The following ICA1 variants were observed in gnomAD, a reference collection of about 807,000 sequenced individuals.
The protein encoded by ICA1 is islet cell autoantigen 1.
Under a neutral mutation model 71.0 loss-of-function variants are expected in ICA1, and 40 were observed. The observed-to-expected ratio is 0.56, with a 90% CI of 0.44 to 0.73. ICA1 has a LOEUF of 0.73. Among genes scored for constraint, ICA1 ranks in the 30% least tolerant of loss-of-function variants. The pLI is 0.00. For missense variants in ICA1, 578 were observed against 576.5 expected (o/e 1.00, Z -0.03); for synonymous variants, 207 against 209.5 (o/e 0.99, Z 0.10).
intron 6 of ICA1, among the ~76,000 whole-genome samples, chr7:8,189,730 G>C (rs371511033): frequency 6.6e-6 from 1 of 152,028 alleles, no homozygotes; most frequent in African/African-American, 2.4e-5. Context: ...CTCTGCAAGG[G>C]GGGTAGGCAG....
At chr7:8,155,336 T>G (rs1432013644) in intron 8 of ICA1, among the ~76,000 whole-genome samples, 1 of 152,196 alleles carries the variant, frequency 6.6e-6, no homozygotes, top group East Asian at 1.9e-4. Context: ...CTGTCAAACT[T>G]TCACTAAATT....
intron 6 of ICA1, among the ~76,000 whole-genome samples, chr7:8,188,720 C>A (rs1784626433): frequency 6.6e-6 from 1 of 152,138 alleles, no homozygotes; most frequent in Non-Finnish European, 1.5e-5. Context: ...GCCAATCCTG[C>A]CTCTCTTCAG....
intron 6 of ICA1, among the ~76,000 whole-genome samples, chr7:8,212,988 A>G (rs1007125072): frequency 6.6e-6 from 1 of 152,226 alleles, no homozygotes; most frequent in African/African-American, 2.4e-5. Context: ...GCCATGTGAA[A>G]ACAGCAGGCT....
intron 5 of ICA1, among the ~76,000 whole-genome samples, chr7:8,219,992 A>G (rs775630975): frequency 7.9e-5 from 12 of 152,226 alleles, no homozygotes; most frequent in Admixed American, 3.9e-4. Context: ...ATATGCACAG[A>G]AAGTATCTAT....
intron 6 of ICA1, among the ~76,000 whole-genome samples, chr7:8,210,002 T>C (rs1251499645): frequency 1.3e-5 from 2 of 152,132 alleles, no homozygotes; most frequent in African/African-American, 2.4e-5. Flanking sequence ...AGCCAGCCTG[T>C]GGAGGGCCTA....
chr7:8,208,930 G>C (rs1792617496), intron 6 of ICA1, among the ~76,000 whole-genome samples: 2 of 152,258 alleles, frequency 1.3e-5, no homozygotes, highest in African/African-American at 4.8e-5. Context: ...TTAAGAGATG[G>C]GCTCAATTTA....
At chr7:8,250,414 A>C (rs754971313) in intron 1 of ICA1, among the ~76,000 whole-genome samples, 1 of 152,208 alleles carries the variant, frequency 6.6e-6, no homozygotes, top group Admixed American at 6.5e-5. Flanking sequence ...GGAGGATGGG[A>C]AGTTCAATTA....
At chr7:8,216,802 G>A (rs952287088) in intron 6 of ICA1, among the ~76,000 whole-genome samples, 2 of 152,154 alleles carry the variant, frequency 1.3e-5, no homozygotes, top group Non-Finnish European at 2.9e-5. Flanking sequence ...TTACCTCTCT[G>A]ATCTTGGGCT....
Position 8,144,573 on chromosome 7 carries a change from TG to T in ICA1, c.805-602del, listed in dbSNP as rs1282070877. 6.6e-6 allele frequency among the ~76,000 whole-genome samples: 1 copy of T among 152,144 alleles called. No individual in the cohort carries two copies. The highest frequency in any genetic ancestry group is 2.4e-5 in the African/African-American group (1 of 41,438). On this transcript the variant is annotated intron_variant, in intron 8 of 13. Transcript: ENST00000402384. The surrounding 1 kb of genome is among the most constrained non-coding windows in gnomAD (Gnocchi z 4.5). Reference sequence around the variant, plus strand: ...CCAAATCTTTGTAGATTAAAATGGGTGAGAGTCTTCTTTTGGCACATCATTT... The same window carrying T: ...CCAAATCTTTGTAGATTAAAATGGGTAGAGTCTTCTTTTGGCACATCATTT...
At chr7:8,165,370 T>C (rs1017048669) in intron 6 of ICA1, among the ~76,000 whole-genome samples, 6 of 152,212 alleles carry the variant, frequency 3.9e-5, no homozygotes, top group Admixed American at 3.9e-4. Context: ...CAGCCAACAG[T>C]AGACTTCAGG....
chr7:8,240,840 T>G (rs1014885780), intron 1 of ICA1, among the ~76,000 whole-genome samples: 1 of 151,830 alleles, frequency 6.6e-6, no homozygotes, highest in Admixed American at 6.6e-5. Flanking sequence ...ATTAACGAAA[T>G]AAAGCGAGAA....
In ICA1 at chr7:8,220,295, C is replaced by T. The variant is rs145691165; in HGVS notation, c.380+980G>A. 2.9e-3 allele frequency among the ~76,000 whole-genome samples: 440 copies of T among 152,296 alleles called. 1 individual carries two copies. Among genetic ancestry groups the T allele is most frequent in the African/African-American group, 1.0e-2 (415 of 41,568 alleles). On this transcript the variant is annotated intron_variant, in intron 5 of 13. Transcript: ENST00000402384. ...AACCAAAATGCCCAGGAGAAGGCAT[C>T]ACTGAAAAACAGACACAGCAGGTCT... is the stretch of plus-strand genomic sequence containing the variant.
intron 6 of ICA1, among the ~76,000 whole-genome samples, chr7:8,212,163 G>C (rs1233781272): frequency 2.0e-5 from 3 of 152,130 alleles, no homozygotes; most frequent in African/African-American, 4.8e-5. Flanking sequence ...GACTCAGAAA[G>C]ACCAGAACTT....
chr7:8,127,148 GTT>G (rs34728476), intron 13 of ICA1, among the ~76,000 whole-genome samples: 2 of 144,256 alleles, frequency 1.4e-5, no homozygotes, highest in South Asian at 4.4e-4. Flanking sequence ...GCCTACCTAA[GTT>G]TTTTTTTTTT....
intron 8 of ICA1, among the ~76,000 whole-genome samples, chr7:8,146,759 G>T (rs192209163): frequency 6.6e-6 from 1 of 150,658 alleles, no homozygotes; most frequent in South Asian, 2.1e-4. Flanking sequence ...GTGTGTGTGT[G>T]TGTGTTTAGT....
At chr7:8,185,115 AT>A (rs530646975) in intron 6 of ICA1, among the ~76,000 whole-genome samples, 23 of 152,198 alleles carry the variant, frequency 1.5e-4, no homozygotes, top group Admixed American at 1.1e-3. Context: ...TGAGAGATAA[AT>A]TTTTAAAATT....
chr7:8,149,162 T>C (rs1798000880), intron 8 of ICA1, among the ~76,000 whole-genome samples: 2 of 152,188 alleles, frequency 1.3e-5, no homozygotes, highest in African/African-American at 4.8e-5. Context: ...TGAACCATTA[T>C]TTCCAATTAC....
At chr7:8,150,669 G>T (rs1798490407) in intron 8 of ICA1, among the ~76,000 whole-genome samples, 2 of 152,242 alleles carry the variant, frequency 1.3e-5, no homozygotes, top group South Asian at 4.1e-4. Context: ...GAGATCGAGA[G>T]GACTTCATCC....
At chr7:8,114,340 G>A (rs563943661) in intron 13 of ICA1, among the ~76,000 whole-genome samples, 5 of 152,134 alleles carry the variant, frequency 3.3e-5, no homozygotes, top group South Asian at 2.1e-4. Context: ...TCAAACCCTC[G>A]GGCCCTGCCA....
Sources: allele counts gnomAD v4.1 joint callset (sites outside exome capture counted in the v4.1 genomes callset), GRCh38; gene constraint gnomAD v4.1.1; non-coding constraint Gnocchi (gnomAD v3.1); transcripts MANE v1.5; gene names NCBI Gene and HGNC (gene_info 2026-07-23, HGNC 2026-07-21).